EHBP1L1: variants seen among roughly 807,000 people sequenced by gnomAD.
The protein encoded by EHBP1L1 is EH domain-binding protein 1-like protein 1.
In EHBP1L1, 122 loss-of-function variants were observed where a neutral mutation model predicts 151.1. That is an observed-to-expected ratio of 0.81 (90% CI 0.70 to 0.94). The LOEUF (loss-of-function observed/expected upper bound fraction) is 0.94, where lower values mean the gene tolerates loss of function less well. Ranked by LOEUF, EHBP1L1 falls within the 40% of genes least tolerant of loss-of-function variation. The pLI is 0.00. For missense variants in EHBP1L1, 1,941 were observed against 1,959.8 expected (o/e 0.99, Z 0.18); for synonymous variants, 878 against 810.1 (o/e 1.08, Z -1.42).
Position 65,579,109 on chromosome 11 carries a change from C to A in EHBP1L1, c.136C>A (p.Arg46Ser), listed in dbSNP as rs772602480. ...AGATAAGCTGGTGGTGGTATGGACC[C>A]GTCGGAACCGACGCATCTGCTCCAA... ...QPDKLVVVWT[R>S]RNRRICSKAH... Residue 46 changes from arginine (R) to serine (S), a missense_variant, in exon 2 of 19, where the codon CGT (arginine) becomes AGT (serine). Coordinates refer to ENST00000309295, the MANE Select transcript of EHBP1L1 (RefSeq NM_001099409.3). The A allele has an allele frequency of 6.3e-7, 1 of 1,594,738 alleles. No homozygotes were observed.
chr11:65,583,606 G>C lies in EHBP1L1; in HGVS notation c.2934G>C (p.Glu978Asp). ...KSGTFKAQEA[E>D]AGVLGNEKGK... ...GTACTTTTAAGGCCCAGGAAGCGGA[G>C]GCTGGGGTCTTGGGAAATGAGAAGG... The change falls in exon 9 of 19, where the codon GAG (glutamate) becomes GAC (aspartate). Residue 978 changes from glutamate to aspartate, a missense_variant. Physicochemically the swap from Glu to Asp is conservative, Grantham distance 45. Coordinates refer to ENST00000309295, the MANE Select transcript of EHBP1L1 (RefSeq NM_001099409.3). 6.2e-7 allele frequency: 1 copy of C among 1,610,084 alleles called. No homozygotes were observed. Among genetic ancestry groups the C allele is most frequent in the Non-Finnish European group, 8.5e-7 (1 of 1,178,162 alleles).
In EHBP1L1 at chr11:65,580,013, G is replaced by A. The variant is rs375539953; in HGVS notation, c.312+24G>A. 1.7e-5 allele frequency: 28 copies of A among 1,613,744 alleles called. No individual in the cohort carries two copies. The African/African-American group carries it at 2.7e-4, about 15-fold the overall frequency. ...ATGTGAGTGTCTGGAGTGGGCTCAG[G>A]TCTGGAATCTTGGGGACCCTGGGAC... On this transcript the variant is annotated intron_variant, in intron 4 of 18. Transcript: ENST00000309295.
Position 65,583,692 on chromosome 11 carries a change from G to T in EHBP1L1, c.3020G>T (p.Gly1007Val). The T allele has an allele frequency of 6.4e-7, 1 of 1,574,292 alleles. No individual in the cohort carries two copies. The highest frequency in any genetic ancestry group is 2.3e-5 in the East Asian group (1 of 42,974). The change falls in exon 9 of 19, where the codon GGG becomes GTG. Residue 1007 changes from glycine (G) to valine (V), a missense_variant. Physicochemically the swap from Gly to Val is moderately radical, Grantham distance 109. Coordinates refer to ENST00000309295, the MANE Select transcript of EHBP1L1 (RefSeq NM_001099409.3). ...ASLPEAQVAS[G>V]AGAGAPRASS... ...CTGCCTGAAGCACAGGTGGCCAGTG[G>T]GGCAGGGGCTGGGGCGCCCAGGGCC...
rs752197650 is a variant in EHBP1L1 at position 65,582,213 on chromosome 11, G to C, written c.1541G>C (p.Gly514Ala). The C allele has an allele frequency of 1.6e-5, 24 of 1,534,060 alleles. No individual in the cohort carries two copies. Among genetic ancestry groups the C allele is most frequent in the Non-Finnish European group, 2.0e-5 (23 of 1,144,522 alleles). Residue 514 changes from glycine (G) to alanine (A), a missense_variant, in exon 9 of 19, where the codon GGA becomes GCA. Coordinates refer to ENST00000309295, the MANE Select transcript of EHBP1L1 (RefSeq NM_001099409.3). ...QEREGAEVRGGAPGIEGTGLE... is the reference protein window; with the variant it reads ...QEREGAEVRGAAPGIEGTGLE... The stretch of plus-strand genomic sequence containing the variant: ...AGAGAGGGTGCAGAAGTGAGGGGTG[G>C]AGCACCTGGTATTGAGGGGACAGGC...
At position 65,583,298 on chromosome 11, in the gene EHBP1L1, G is replaced by A. The variant is rs1449154975; in HGVS notation, c.2626G>A (p.Ala876Thr). The A allele has an allele frequency of 1.2e-6, 2 of 1,613,596 alleles. No individual in the cohort carries two copies. The highest frequency in any genetic ancestry group is 1.7e-6 in the Non-Finnish European group (2 of 1,179,834). ...TAAGACAGAAATTATAGTTCCAGAG[G>A]CTGAGAAGGAAGAGGCTCAGACTTC... ...TRKTEIIVPE[A>T]EKEEAQTSGV... Residue 876 changes from alanine to threonine, a missense_variant, in exon 9 of 19, where the codon GCT becomes ACT. By Grantham distance (58) the Ala-to-Thr change is moderately conservative. Coordinates refer to ENST00000309295, the MANE Select transcript of EHBP1L1 (RefSeq NM_001099409.3).
chr11:65,592,346 TCCG>T lies in EHBP1L1; in HGVS notation c.*53_*55del. 1 of 1,326,288 alleles carries T rather than the reference TCCG, an allele frequency of 7.5e-7. No individual in the cohort carries two copies. Among genetic ancestry groups the T allele is most frequent in the Non-Finnish European group, 9.6e-7 (1 of 1,040,256 alleles). 82.2% of individuals were successfully genotyped at this position (1,326,288 alleles called of 1,614,324 possible). On this transcript the variant is annotated 3_prime_UTR_variant, in exon 19 of 19. Transcript: ENST00000309295. The stretch of plus-strand genomic sequence containing the variant: ...CCCATAACTTCTCGCGTCCCCGGCG[TCCG>T]CCGCCGCCCCGGGCCTGCGCTGCGG...
intron 16 of EHBP1L1, 120 bp from the exon 17 acceptor site, chr11:65,591,680 C>T: frequency 1.2e-6 from 1 of 801,192 alleles, no homozygotes; most frequent in Non-Finnish European, 2.1e-6. Context: ...GCCCTGCCCT[C>T]GGGAACTGCT....
rs1310605476 is a variant in EHBP1L1, at chr11:65,592,099, C to T, written c.4472+9C>T. 3 of 1,612,166 alleles carry T rather than the reference C, an allele frequency of 1.9e-6. No individual in the cohort carries two copies. The highest frequency in any genetic ancestry group is 1.7e-5 in the Admixed American group (1 of 59,990). On this transcript the variant is annotated intron_variant, in intron 18 of 18. Coordinates refer to ENST00000309295, the MANE Select transcript of EHBP1L1 (RefSeq NM_001099409.3). ...GACCACAAGGAGCGGATGTGAGTGG[C>T]GCTGGGCGGCGCTGGGAGTTGGGAG... is the stretch of plus-strand genomic sequence containing the variant.
rs1236305763 is a variant in EHBP1L1, at chr11:65,583,187, G to T, written c.2515G>T (p.Ala839Ser). 1 of 1,612,824 alleles carries T rather than the reference G, an allele frequency of 6.2e-7. No homozygotes were observed. The highest frequency in any genetic ancestry group is 8.5e-7 in the Non-Finnish European group (1 of 1,179,700). ...GGTCCCAGGGCTAGAATCTGAGGTA[G>T]CTGGGGCCCAGGAGACAGAGGTCGG... The part of the protein sequence containing the change: ...SGVPGLESEV[A>S]GAQETEVGGS... Residue 839 changes from alanine (A) to serine (S), a missense_variant, in exon 9 of 19, where the codon GCT (alanine) becomes TCT (serine). Physicochemically the swap from Ala to Ser is moderately conservative, Grantham distance 99. Transcript: ENST00000309295.
intron 12 of EHBP1L1, among the ~76,000 whole-genome samples, chr11:65,588,919 C>T (rs955709157): frequency 5.9e-5 from 9 of 152,104 alleles, no homozygotes; most frequent in African/African-American, 2.2e-4. Context: ...TCAGGAGGGT[C>T]CAGGTCTGGG....
rs1377166288 is a variant in EHBP1L1 at position 65,583,783 on chromosome 11, C to T, written c.3093+18C>T. 1.4e-5 allele frequency: 20 copies of T among 1,459,928 alleles called. No individual in the cohort carries two copies. Among genetic ancestry groups the T allele is most frequent in the East Asian group, 7.4e-5 (3 of 40,450 alleles). The allele number at this position is 1,459,928 out of a possible 1,614,324, so 90.4% of individuals were successfully genotyped here. The stretch of plus-strand genomic sequence containing the variant: ...GCAGCCAGGTAGGGATGGGGGCCGC[C>T]GAGGGCCCAGTCTGCTGCTTCCCAC... On this transcript the variant is annotated intron_variant, in intron 9 of 18. Coordinates refer to ENST00000309295, the MANE Select transcript of EHBP1L1 (RefSeq NM_001099409.3).
rs1858273978 is a variant in EHBP1L1, at chr11:65,591,316, G to A, written c.4284-484G>A. 4 of 202,642 alleles carry A rather than the reference G, an allele frequency of 2.0e-5. No homozygotes were observed. In the South Asian group the frequency reaches 2.7e-4, roughly 14 times the overall value. 12.6% of individuals were successfully genotyped at this position (202,642 alleles called of 1,614,324 possible). On this transcript the variant is annotated intron_variant, in intron 16 of 18. Transcript: ENST00000309295. Reference sequence around the variant, plus strand: ...GGAGAATCGCTTGAACCCTCCTGGGGTTGAGAGATTGCAGTGAGCCGAGAT... The same window carrying A: ...GGAGAATCGCTTGAACCCTCCTGGGATTGAGAGATTGCAGTGAGCCGAGAT...
At chr11:65,588,697 C>T (rs76399299) in intron 12 of EHBP1L1, among the ~76,000 whole-genome samples, 3,420 of 152,284 alleles carry the variant, frequency 0.022, 141 homozygotes, top group African/African-American at 0.078. Context: ...TCAGCTGAGT[C>T]GAAAGTTGGG....
At chr11:65,589,884 C>T in intron 13 of EHBP1L1, 52 bp from the exon 14 acceptor site, 1 of 1,534,178 alleles carries the variant, frequency 6.5e-7, no homozygotes, top group South Asian at 1.2e-5. Context: ...CTGGGGACTT[C>T]CTGGGGGTGG....
At chr11:65,592,148 G>A (rs974711484) in intron 18 of EHBP1L1, 55 bp from the exon 19 acceptor site, 1 of 1,609,436 alleles carries the variant, frequency 6.2e-7, no homozygotes, top group Non-Finnish European at 8.5e-7. Flanking sequence ...CTCCCGCAGA[G>A]GGCTGCGTGT....
chr11:65,583,438 A>C lies in EHBP1L1; in HGVS notation c.2766A>C (p.Ser922=), dbSNP rs745790042. The C allele has an allele frequency of 6.2e-7, 1 of 1,613,630 alleles. No homozygotes were observed. The highest frequency in any genetic ancestry group is 1.1e-5 in the South Asian group (1 of 91,064). Residue 922 remains serine (S), a synonymous_variant, in exon 9 of 19, where the codon TCA becomes TCC. Coordinates refer to ENST00000309295, the MANE Select transcript of EHBP1L1 (RefSeq NM_001099409.3). ...CCCAGGAAGCAAAAGCAGAGATTTC[A>C]GGAGTACAAGGGTCAGAGACTCAAG... The part of the protein sequence containing the change: ...LGSQEAKAEI[S]GVQGSETQVL...
chr11:65,589,886 T>C, intron 13 of EHBP1L1, 50 bp from the exon 14 acceptor site: 1 of 1,531,454 alleles, frequency 6.5e-7, no homozygotes, highest in Non-Finnish European at 8.8e-7. Context: ...GGGGACTTCC[T>C]GGGGGTGGGT....
At chr11:65,576,699 G>A (rs1452726880) in intron 1 of EHBP1L1, among the ~76,000 whole-genome samples, 2 of 152,200 alleles carry the variant, frequency 1.3e-5, no homozygotes, top group Non-Finnish European at 2.9e-5. Context: ...GGGGAGGGAG[G>A]CCGCATGTCT....
chr11:65,579,317 G>A (rs761973330), intron 2 of EHBP1L1, 24 bp from the exon 3 acceptor site: 2 of 1,519,532 alleles, frequency 1.3e-6, no homozygotes, highest in Non-Finnish European at 1.8e-6. Context: ...AAGATGGGGG[G>A]AGGACTCAGA....
Sources: gnomAD v4.1 joint callset for allele counts (sites outside exome capture counted in the v4.1 genomes callset) on GRCh38, gnomAD v4.1.1 for gene constraint, MANE v1.5 for transcripts, NCBI Gene and HGNC (gene_info 2026-07-23, HGNC 2026-07-21) for gene names.